The following RFX3 variants were observed in gnomAD, a reference collection of about 807,000 sequenced individuals.
RFX3 encodes the protein transcription factor RFX3.
Under a neutral mutation model 98.6 loss-of-function variants are expected in RFX3, and 14 were observed. That is an observed-to-expected ratio of 0.14 (90% CI 0.09 to 0.22). RFX3 has a LOEUF of 0.22. RFX3 is among the 10% of genes least tolerant of loss of function. The pLI is 1.00. For synonymous variants in RFX3, 383 were observed against 328.4 expected (o/e 1.17, Z -1.80); for missense variants, 639 against 926.9 (o/e 0.69, Z 4.03).
At chr9:3,452,962 T>C (rs1056102239) in intron 1 of RFX3, among the ~76,000 whole-genome samples, 1 of 152,136 alleles carries the variant, frequency 6.6e-6, no homozygotes, top group African/African-American at 2.4e-5. Flanking sequence ...ACCATAGCAG[T>C]CTTGGAATCA....
chr9:3,376,425 T>C (rs1029640056), intron 2 of RFX3, among the ~76,000 whole-genome samples: 2 of 152,140 alleles, frequency 1.3e-5, no homozygotes, highest in South Asian at 2.1e-4. Context: ...AATAGGTGAA[T>C]GGATAAACCA....
chr9:3,249,239 C>T (rs649990), intron 14 of RFX3, among the ~76,000 whole-genome samples: 114,976 of 152,062 alleles, frequency 0.76, 45,858 homozygotes, highest in Non-Finnish European at 0.88. Context: ...TTTTCTGTTT[C>T]ATTTTTCAAC....
chr9:3,410,248 T>C (rs992782514), intron 1 of RFX3, among the ~76,000 whole-genome samples: 2 of 146,472 alleles, frequency 1.4e-5, no homozygotes, highest in African/African-American at 5.0e-5. Flanking sequence ...CTTTATATTC[T>C]ATAGGAATTC....
intron 14 of RFX3, among the ~76,000 whole-genome samples, chr9:3,249,045 T>C (rs1175121548): frequency 6.6e-6 from 1 of 152,134 alleles, no homozygotes; most frequent in Non-Finnish European, 1.5e-5. Context: ...TGTGTGAGTG[T>C]GTGTATGTGT....
intron 1 of RFX3, among the ~76,000 whole-genome samples, chr9:3,415,350 G>A (rs564223927): frequency 6.6e-6 from 1 of 151,588 alleles, no homozygotes; most frequent in Non-Finnish European, 1.5e-5. Context: ...AAAGTGCAGA[G>A]ATTAGAGGCG....
intron 1 of RFX3, among the ~76,000 whole-genome samples, chr9:3,396,464 G>A (rs966657593): frequency 1.5e-4 from 23 of 152,060 alleles, no homozygotes; most frequent in Non-Finnish European, 2.1e-4. Flanking sequence ...GCTTGGTTCC[G>A]AGTCTTTGCT....
intron 3 of RFX3, among the ~76,000 whole-genome samples, chr9:3,338,460 A>G (rs190302412): frequency 6.6e-6 from 1 of 152,310 alleles, no homozygotes; most frequent in East Asian, 1.9e-4. Context: ...TACTGGAATC[A>G]TTTATACCAT....
At chr9:3,394,907 A>G in intron 2 of RFX3, 6 of 861,060 alleles carry the variant, frequency 7.0e-6, no homozygotes, top group Non-Finnish European at 8.4e-6. Flanking sequence ...TGTAGTAAAT[A>G]TCTGATGATG....
chr9:3,326,681 G>C (rs1831961078), intron 4 of RFX3, among the ~76,000 whole-genome samples: 1 of 152,072 alleles, frequency 6.6e-6, no homozygotes, highest in Non-Finnish European at 1.5e-5. Context: ...TTTGTTACGG[G>C]TGCATAGTAT....
chr9:3,324,953 G>C (rs1831747934), intron 4 of RFX3, among the ~76,000 whole-genome samples: 1 of 152,006 alleles, frequency 6.6e-6, no homozygotes, highest in Admixed American at 6.6e-5. Flanking sequence ...GGCAGAGTGA[G>C]ACTCCATCTC....
At chr9:3,299,741 A>G (rs1828424088) in intron 5 of RFX3, among the ~76,000 whole-genome samples, 1 of 151,844 alleles carries the variant, frequency 6.6e-6, no homozygotes, top group African/African-American at 2.4e-5. Flanking sequence ...GAATTCTATA[A>G]AGAAAAATAA....
chr9:3,295,699 G>A (rs1827903743), intron 5 of RFX3, among the ~76,000 whole-genome samples: 1 of 152,002 alleles, frequency 6.6e-6, no homozygotes, highest in Admixed American at 6.6e-5. Context: ...AATGCATATT[G>A]TCAAAGGTAT....
At chr9:3,486,621 T>A (rs1026039010) in intron 1 of RFX3, among the ~76,000 whole-genome samples, 2 of 152,306 alleles carry the variant, frequency 1.3e-5, no homozygotes, top group Non-Finnish European at 2.9e-5. Context: ...CTCAACTAAA[T>A]GCTCAAAGAC....
intron 5 of RFX3, among the ~76,000 whole-genome samples, chr9:3,297,594 CATTTT>C (rs1280725778): frequency 2.0e-5 from 3 of 152,030 alleles, no homozygotes; most frequent in Non-Finnish European, 4.4e-5. Context: ...CATCAGGATT[CATTTT>C]AAGTTCAGTT....
intron 7 of RFX3, among the ~76,000 whole-genome samples, chr9:3,284,012 G>A: frequency 6.6e-6 from 1 of 151,638 alleles, no homozygotes; most frequent in Non-Finnish European, 1.5e-5. Flanking sequence ...GTTGGACTAG[G>A]TGATTTCTTC....
chr9:3,303,285 G>A (rs1179956897), intron 4 of RFX3, among the ~76,000 whole-genome samples: 2 of 151,660 alleles, frequency 1.3e-5, no homozygotes, highest in African/African-American at 4.8e-5. Flanking sequence ...AACTATAAAG[G>A]ACTTTGGTAT....
chr9:3,455,982 A>C (rs940697446), intron 1 of RFX3, among the ~76,000 whole-genome samples: 1 of 152,224 alleles, frequency 6.6e-6, no homozygotes, highest in Admixed American at 6.5e-5. Flanking sequence ...CCTTGGCTGG[A>C]AGTCAAGGTG....
chr9:3,318,903 T>C (rs111965145), intron 4 of RFX3, among the ~76,000 whole-genome samples: 68 of 152,290 alleles, frequency 4.5e-4, no homozygotes, highest in African/African-American at 1.5e-3. Context: ...GATTGTCTTT[T>C]TGGACTTCTT....
intron 1 of RFX3, among the ~76,000 whole-genome samples, chr9:3,481,286 T>C (rs536649862): frequency 6.6e-6 from 1 of 152,242 alleles, no homozygotes; most frequent in Admixed American, 6.5e-5. Flanking sequence ...ATTTGTTGGA[T>C]AAATTAAAGA....
Sources: allele counts gnomAD v4.1 joint callset (sites outside exome capture counted in the v4.1 genomes callset), GRCh38; gene constraint gnomAD v4.1.1; transcripts MANE v1.5; gene names NCBI Gene and HGNC (gene_info 2026-07-23, HGNC 2026-07-21).